ZCWPW2: variants seen among roughly 807,000 people sequenced by gnomAD.
ZCWPW2 encodes zinc finger CW-type PWWP domain protein 2.
A neutral mutation model predicts 46.6 loss-of-function variants in ZCWPW2; 45 were observed. The observed-to-expected ratio is 0.96, with a 90% CI of 0.76 to 1.24. The LOEUF (loss-of-function observed/expected upper bound fraction) is 1.24. ZCWPW2 is among the 50% of genes most tolerant of loss of function. ZCWPW2 has a pLI of 0.00. For synonymous variants in ZCWPW2, 152 were observed against 137.1 expected, an observed-to-expected ratio of 1.11 and a Z score of -0.76; for missense variants, 429 against 403.9, an observed-to-expected ratio of 1.06 and a Z score of -0.53.
At chr3:28,512,175 CTT>C in intron 6 of ZCWPW2, among the ~76,000 whole-genome samples, 1 of 143,528 alleles carries the variant, frequency 7.0e-6, no homozygotes, top group African/African-American at 2.5e-5. Flanking sequence ...ATGAAAAATT[CTT>C]TTTTTTTTTT....
intron 4 of ZCWPW2, among the ~76,000 whole-genome samples, chr3:28,457,399 A>C (rs1698466769): frequency 6.6e-6 from 1 of 152,240 alleles, no homozygotes; most frequent in Non-Finnish European, 1.5e-5. Flanking sequence ...AATATGGAGT[A>C]GAAAATAGCA....
chr3:28,520,063 G>T lies in ZCWPW2; in HGVS notation c.785-929G>T, dbSNP rs113572828. On this transcript the variant is annotated intron_variant, in intron 8 of 9. Coordinates refer to ENST00000383768, the MANE Select transcript of ZCWPW2 (RefSeq NM_001040432.4). The stretch of plus-strand genomic sequence containing the variant: ...TCTGTCGCCCAAGCTGGAGTGCAGT[G>T]GTGTGATCTCAGCTCACTGCAAGCT... 5.8e-3 allele frequency among the ~76,000 whole-genome samples: 869 copies of T among 148,584 alleles called. 17 individuals are homozygous for T. Among genetic ancestry groups the T allele is most frequent in the African/African-American group, 0.02 (819 of 40,144 alleles).
intron 3 of ZCWPW2, among the ~76,000 whole-genome samples, chr3:28,427,248 C>A (rs941911477): frequency 3.3e-5 from 5 of 152,162 alleles, no homozygotes; most frequent in Admixed American, 3.3e-4. Context: ...GTGCACAATG[C>A]ATTATCATGG....
intron 2 of ZCWPW2, among the ~76,000 whole-genome samples, chr3:28,404,086 G>A (rs1696057376): frequency 6.6e-6 from 1 of 151,888 alleles, no homozygotes; most frequent in Admixed American, 6.6e-5. Context: ...GGAACAGTCA[G>A]CAGAATAAAA....
chr3:28,511,117 GA>G lies in ZCWPW2; in HGVS notation c.658-2946del, dbSNP rs758612227. On this transcript the variant is annotated intron_variant, in intron 6 of 9. Transcript: ENST00000383768. ...AAAAGGATCAACACTGGAGAGAGAAGAGGGGAAGAGGTAAATGTATGACAAT... is the reference window on the plus strand; with the variant it reads ...AAAAGGATCAACACTGGAGAGAGAAGGGGGAAGAGGTAAATGTATGACAAT... 6.9e-5 allele frequency: 31 copies of G among 452,256 alleles called. No individual in the cohort carries two copies. The Middle Eastern group carries it at 4.9e-3, about 72-fold the overall frequency. The allele number at this position is 452,256 out of a possible 1,614,324, so 28.0% of individuals were successfully genotyped here.
chr3:28,438,763 A>C (rs1278196282), intron 4 of ZCWPW2, among the ~76,000 whole-genome samples: 4 of 152,178 alleles, frequency 2.6e-5, no homozygotes, highest in African/African-American at 9.7e-5. Context: ...AGATGCTCAA[A>C]GAACTAAAGG....
At chr3:28,494,507 T>C (rs1189762615) in intron 6 of ZCWPW2, among the ~76,000 whole-genome samples, 1 of 151,724 alleles carries the variant, frequency 6.6e-6, no homozygotes. Context: ...TCCATTGATC[T>C]ATATCTCTGT....
intron 1 of ZCWPW2, among the ~76,000 whole-genome samples, chr3:28,367,526 C>T (rs1705166931): frequency 6.6e-6 from 1 of 152,160 alleles, no homozygotes; most frequent in Non-Finnish European, 1.5e-5. Context: ...GTTATAATTT[C>T]TGTTCTTTTA....
chr3:28,376,346 A>G (rs181790097), intron 1 of ZCWPW2, among the ~76,000 whole-genome samples: 44 of 152,180 alleles, frequency 2.9e-4, no homozygotes, highest in African/African-American at 1.1e-3. Context: ...CATTCCTCTC[A>G]CATTTTGACT....
chr3:28,360,265 G>A (rs1416951295), intron 1 of ZCWPW2, among the ~76,000 whole-genome samples: 1 of 150,814 alleles, frequency 6.6e-6, no homozygotes, highest in Non-Finnish European at 1.5e-5. Context: ...CAGCACTTTG[G>A]GAGGCAAAGG....
intron 1 of ZCWPW2, among the ~76,000 whole-genome samples, chr3:28,374,966 T>C (rs192265156): frequency 1.3e-5 from 2 of 152,046 alleles, no homozygotes; most frequent in Admixed American, 1.3e-4. Context: ...TCTCTCTCTC[T>C]TTAGATCTTT....
At chr3:28,372,957 A>AT (rs1353128169) in intron 1 of ZCWPW2, among the ~76,000 whole-genome samples, 4 of 152,000 alleles carry the variant, frequency 2.6e-5, no homozygotes, top group Admixed American at 6.6e-5. Flanking sequence ...GATTGCATTC[A>AT]TTTTTTCTGG....
chr3:28,486,928 A>G (rs928399704), intron 5 of ZCWPW2, among the ~76,000 whole-genome samples: 1 of 151,526 alleles, frequency 6.6e-6, no homozygotes, highest in African/African-American at 2.4e-5. Flanking sequence ...TATTTTGTCA[A>G]CACTTTATTT....
At chr3:28,417,118 A>T (rs886080743) in intron 3 of ZCWPW2, among the ~76,000 whole-genome samples, 2 of 151,700 alleles carry the variant, frequency 1.3e-5, no homozygotes, top group African/African-American at 4.8e-5. Context: ...AGACTAATAA[A>T]GAAGAAAAGA....
intron 1 of ZCWPW2, among the ~76,000 whole-genome samples, chr3:28,358,967 AG>A (rs1186059200): frequency 2.6e-5 from 4 of 152,118 alleles, no homozygotes; most frequent in African/African-American, 9.6e-5. Context: ...CTAGATAACA[AG>A]TTTAAAGATC....
At chr3:28,446,563 A>T (rs1482270568) in intron 4 of ZCWPW2, among the ~76,000 whole-genome samples, 1 of 152,036 alleles carries the variant, frequency 6.6e-6, no homozygotes, top group Non-Finnish European at 1.5e-5. Context: ...AACACTTATT[A>T]AAAAAACAAT....
intron 1 of ZCWPW2, among the ~76,000 whole-genome samples, chr3:28,389,913 A>G (rs1376488794): frequency 6.6e-6 from 1 of 152,182 alleles, no homozygotes; most frequent in Non-Finnish European, 1.5e-5. Context: ...CGACTGAATG[A>G]GAACCACCCA....
intron 6 of ZCWPW2, among the ~76,000 whole-genome samples, chr3:28,505,879 T>G (rs936439020): frequency 6.6e-6 from 1 of 151,872 alleles, no homozygotes; most frequent in African/African-American, 2.4e-5. Context: ...ACTAACAGAC[T>G]CATTCTTTTT....
chr3:28,396,708 G>A (rs1211133533), intron 2 of ZCWPW2, among the ~76,000 whole-genome samples: 1 of 152,200 alleles, frequency 6.6e-6, no homozygotes, highest in Non-Finnish European at 1.5e-5. Context: ...TAGAGCGAAA[G>A]TATGACAACT....
Sources: allele counts gnomAD v4.1 joint callset (sites outside exome capture counted in the v4.1 genomes callset), GRCh38; gene constraint gnomAD v4.1.1; transcripts MANE v1.5; gene names NCBI Gene and HGNC (gene_info 2026-07-23, HGNC 2026-07-21).